PPFIBP2: variants seen among roughly 807,000 people sequenced by gnomAD.
PPFIBP2 encodes PPFIB scaffold protein 2, also known as liprin-beta-2.
A neutral mutation model predicts 118.3 loss-of-function variants in PPFIBP2; 118 were observed. That is an observed-to-expected ratio of 1.00 (90% CI 0.86 to 1.16). The LOEUF (loss-of-function observed/expected upper bound fraction) is 1.16. Ranked by LOEUF, PPFIBP2 falls within the 50% of genes most tolerant of loss-of-function variation. The pLI is 0.00. For synonymous variants in PPFIBP2, 414 were observed against 397.4 expected (o/e 1.04, Z -0.50); for missense variants, 1,195 against 1,073.1 (o/e 1.11, Z -1.59).
intron 1 of PPFIBP2, among the ~76,000 whole-genome samples, chr11:7,529,587 G>A (rs1007596905): frequency 3.3e-5 from 5 of 152,296 alleles, no homozygotes; most frequent in Admixed American, 6.5e-5. Context: ...CTGCTGCACC[G>A]AGGACAAAGC....
chr11:7,600,012 G>A (rs191659546), intron 5 of PPFIBP2, among the ~76,000 whole-genome samples: 16 of 152,068 alleles, frequency 1.1e-4, no homozygotes, highest in African/African-American at 2.7e-4. Context: ...GGTATTGGGC[G>A]TGTGGTACCA....
intron 2 of PPFIBP2, among the ~76,000 whole-genome samples, chr11:7,562,974 T>C (rs1398227977): frequency 0.011 from 1,264 of 119,304 alleles, 51 homozygotes; most frequent in African/African-American, 0.035. Context: ...TATATATATA[T>C]ATACACGCAC....
chr11:7,571,088 A>G (rs986868539), intron 3 of PPFIBP2, among the ~76,000 whole-genome samples: 5 of 152,208 alleles, frequency 3.3e-5, no homozygotes, highest in African/African-American at 1.2e-4. Flanking sequence ...TGTTTACCAT[A>G]TTGAAAAACC....
intron 7 of PPFIBP2, 92 bp from the exon 8 acceptor site, chr11:7,625,685 G>T (rs942201551): frequency 1.0e-6 from 1 of 969,400 alleles, no homozygotes; most frequent in Non-Finnish European, 1.6e-6. Context: ...ATGCACCCTG[G>T]TGCCTGATGG....
Position 7,610,436 on chromosome 11 carries a change from T to C in PPFIBP2, c.618+14T>C. On this transcript the variant is annotated intron_variant, in intron 6 of 23. Transcript: ENST00000299492. ...AGAAAAGCAGAGGTAAGGGTGAGTG[T>C]GTACTGTCCTAAGCTCAGACCTGGG... 1.9e-6 allele frequency: 3 copies of C among 1,612,280 alleles called. No homozygotes were observed. Among genetic ancestry groups the C allele is most frequent in the Non-Finnish European group, 2.5e-6 (3 of 1,179,778 alleles).
At chr11:7,521,938 G>A (rs937017759) in intron 1 of PPFIBP2, among the ~76,000 whole-genome samples, 1 of 152,218 alleles carries the variant, frequency 6.6e-6, no homozygotes, top group Non-Finnish European at 1.5e-5. Context: ...GGTGAAGATG[G>A]AGTCCCAGGC....
intron 17 of PPFIBP2, among the ~76,000 whole-genome samples, chr11:7,643,072 CT>C (rs1245303482): frequency 6.6e-6 from 1 of 152,256 alleles, no homozygotes; most frequent in Non-Finnish European, 1.5e-5. Context: ...AGACCATTAG[CT>C]TTTAGAGGCT....
chr11:7,656,239 T>C (rs942615740), downstream of PPFIBP2, among the ~76,000 whole-genome samples: 1 of 152,244 alleles, frequency 6.6e-6, no homozygotes, highest in Non-Finnish European at 1.5e-5. Context: ...TTTTAGTTCT[T>C]GGACATTCCA....
At chr11:7,536,612 A>G (rs959647071) in intron 1 of PPFIBP2, among the ~76,000 whole-genome samples, 1 of 152,160 alleles carries the variant, frequency 6.6e-6, no homozygotes, top group African/African-American at 2.4e-5. Context: ...CATTAAAGAA[A>G]GATGCATGGT....
chr11:7,557,630 G>A (rs1384267631), intron 2 of PPFIBP2, among the ~76,000 whole-genome samples: 1 of 151,746 alleles, frequency 6.6e-6, no homozygotes, highest in Non-Finnish European at 1.5e-5. Flanking sequence ...GATTACAGGT[G>A]CCCACCACCA....
Position 7,635,535 on chromosome 11 carries a change from C to T in PPFIBP2, c.1195-17C>T, listed in dbSNP as rs751226876. 3.1e-6 allele frequency: 5 copies of T among 1,603,724 alleles called. No homozygotes were observed. Among genetic ancestry groups the T allele is most frequent in the South Asian group, 2.2e-5 (2 of 90,770 alleles). On this transcript the variant is annotated splice_polypyrimidine_tract_variant and intron_variant, in intron 13 of 23. Coordinates refer to ENST00000299492, the MANE Select transcript of PPFIBP2 (RefSeq NM_003621.5). Reference sequence around the variant, plus strand: ...TCTTTTTCTCCACATAAACGAAATCCTCATGTTACTCCATAGTGTATGGAT... The same window carrying T: ...TCTTTTTCTCCACATAAACGAAATCTTCATGTTACTCCATAGTGTATGGAT...
chr11:7,660,040 G>T (rs902905623), downstream of PPFIBP2, among the ~76,000 whole-genome samples: 360 of 124,952 alleles, frequency 2.9e-3, 30 homozygotes, highest in African/African-American at 9.0e-3. Flanking sequence ...AGCTGAAGGA[G>T]ATTTTGGGCT....
chr11:7,574,310 C>G (rs909261425), intron 3 of PPFIBP2, among the ~76,000 whole-genome samples: 4 of 152,146 alleles, frequency 2.6e-5, no homozygotes, highest in African/African-American at 9.7e-5. Context: ...CTGAGGACTT[C>G]TGTCTTCAGA....
At chr11:7,541,710 C>T (rs1008829371) in intron 1 of PPFIBP2, among the ~76,000 whole-genome samples, 35 of 152,216 alleles carry the variant, frequency 2.3e-4, no homozygotes, top group African/African-American at 8.2e-4. Context: ...TCTCTGTAAA[C>T]ATCAGACTCC....
intron 17 of PPFIBP2, among the ~76,000 whole-genome samples, chr11:7,644,903 T>G (rs1223589033): frequency 1.3e-5 from 2 of 150,702 alleles, no homozygotes; most frequent in East Asian, 1.9e-4. Flanking sequence ...GGCGGGCGCC[T>G]GTAGTCCCAG....
intron 4 of PPFIBP2, chr11:7,597,266 C>T: frequency 6.5e-7 from 1 of 1,535,050 alleles, no homozygotes; most frequent in East Asian, 2.4e-5. Flanking sequence ...AGCAGGAGTC[C>T]AGCCCAGAGG....
At chr11:7,614,685 A>T (rs938348516) in intron 6 of PPFIBP2, among the ~76,000 whole-genome samples, 1 of 152,238 alleles carries the variant, frequency 6.6e-6, no homozygotes, top group Non-Finnish European at 1.5e-5. Flanking sequence ...TAGAACATAG[A>T]GGTTATATTC....
chr11:7,580,905 C>T (rs1319158647), intron 3 of PPFIBP2, among the ~76,000 whole-genome samples: 1 of 152,150 alleles, frequency 6.6e-6, no homozygotes, highest in Non-Finnish European at 1.5e-5. Flanking sequence ...CAGATGGAAC[C>T]AGGTTCTCTC....
intron 22 of PPFIBP2, 89 bp from the exon 23 acceptor site, chr11:7,651,567 C>T (rs1854008802): frequency 8.7e-6 from 11 of 1,258,580 alleles, no homozygotes; most frequent in South Asian, 1.4e-5. Context: ...GGAGGCACCC[C>T]CAGCCCCAAC....
Sources: gnomAD v4.1 joint callset for allele counts (sites outside exome capture counted in the v4.1 genomes callset) on GRCh38, gnomAD v4.1.1 for gene constraint, MANE v1.5 for transcripts, NCBI Gene and HGNC (gene_info 2026-07-23, HGNC 2026-07-21) for gene names.